USP32: variants seen among roughly 807,000 people sequenced by gnomAD.
USP32 encodes ubiquitin carboxyl-terminal hydrolase 32.
A neutral mutation model predicts 204.8 loss-of-function variants in USP32; 59 were observed. The ratio of observed to expected loss-of-function variants is 0.29; its 90% CI spans 0.23 to 0.36. The LOEUF is 0.36. Among genes scored for constraint, USP32 ranks in the 10% least tolerant of loss-of-function variants. The pLI is 1.00. For missense variants in USP32, 1,160 were observed against 1,946.4 expected, an observed-to-expected ratio of 0.60 and a Z score of 7.60; for synonymous variants, 517 against 678.4, an observed-to-expected ratio of 0.76 and a Z score of 3.70.
chr17:60,420,675 C>CAACA (rs962671352), intron 1 of USP32, among the ~76,000 whole-genome samples: 19 of 152,160 alleles, frequency 1.2e-4, no homozygotes, highest in African/African-American at 3.4e-4. Flanking sequence ...CAAAAACAAA[C>CAACA]AACAAACAAA....
intron 1 of USP32, among the ~76,000 whole-genome samples, chr17:60,350,627 G>A (rs1249794900): frequency 1.3e-5 from 2 of 152,232 alleles, no homozygotes; most frequent in Admixed American, 1.3e-4. Flanking sequence ...AATGATATTA[G>A]TTATCTTCGT....
At chr17:60,198,146 T>C (rs1334964963) in intron 27 of USP32, 114 bp downstream of exon 27, 3 of 1,390,198 alleles carry the variant, frequency 2.2e-6, no homozygotes, top group Non-Finnish European at 2.9e-6. Flanking sequence ...TGAGTGGTTC[T>C]TCCAAGAGTG....
intron 11 of USP32, among the ~76,000 whole-genome samples, chr17:60,243,843 T>G (rs780601178): frequency 3.9e-5 from 6 of 152,242 alleles, no homozygotes; most frequent in East Asian, 1.9e-4. Flanking sequence ...GGTGCATATA[T>G]CATCATTTAT....
chr17:60,371,396 G>A (rs556658241), intron 1 of USP32, among the ~76,000 whole-genome samples: 18 of 151,856 alleles, frequency 1.2e-4, no homozygotes, highest in East Asian at 1.9e-4. Context: ...GTGAAACCCC[G>A]TCTCTACTAA....
At chr17:60,334,749 C>T (rs1228124191) in intron 2 of USP32, among the ~76,000 whole-genome samples, 1 of 143,146 alleles carries the variant, frequency 7.0e-6, no homozygotes, top group Non-Finnish European at 1.5e-5. Context: ...ATATGCCTTC[C>T]ACAGTGTATT....
chr17:60,273,755 T>G (rs1046105853), intron 5 of USP32, among the ~76,000 whole-genome samples: 2 of 152,026 alleles, frequency 1.3e-5, no homozygotes, highest in Non-Finnish European at 2.9e-5. Flanking sequence ...GGTCAGGAGT[T>G]CGAGACCAGC....
At position 60,367,017 on chromosome 17, in the gene USP32, C is replaced by T. The variant is rs572328451; in HGVS notation, c.59-21409G>A. On this transcript the variant is annotated intron_variant, in intron 1 of 33. Transcript: ENST00000300896. Reference sequence around the variant, plus strand: ...TTTGTTTTTATAGTTTTAGTAGAGACGGGGTTTCACCGTGTTAGCCAGGAT... The same window carrying T: ...TTTGTTTTTATAGTTTTAGTAGAGATGGGGTTTCACCGTGTTAGCCAGGAT... 1.2e-4 allele frequency among the ~76,000 whole-genome samples: 18 copies of T among 152,208 alleles called. No individual in the cohort carries two copies. The South Asian group carries it at 1.5e-3, about 12-fold the overall frequency.
intron 11 of USP32, among the ~76,000 whole-genome samples, chr17:60,241,012 T>C (rs1027763640): frequency 7.9e-5 from 12 of 152,168 alleles, no homozygotes; most frequent in African/African-American, 2.9e-4. Context: ...TTTGTTTTGT[T>C]TTTGAGACAG....
At chr17:60,266,137 G>A (rs771049907) in intron 7 of USP32, 46 bp from the exon 8 acceptor site, 2 of 1,456,586 alleles carry the variant, frequency 1.4e-6, no homozygotes, top group South Asian at 1.1e-5. Flanking sequence ...TTTGTATTCT[G>A]AGGTATAATA....
At chr17:60,328,594 T>C (rs560666588) in intron 2 of USP32, among the ~76,000 whole-genome samples, 194 of 152,286 alleles carry the variant, frequency 1.3e-3, no homozygotes, top group Non-Finnish European at 2.4e-3. Flanking sequence ...AAAAGAGCTA[T>C]AACATAAACA....
At chr17:60,375,390 A>ATAATATAGAT (rs1488145752) in intron 1 of USP32, among the ~76,000 whole-genome samples, 7 of 152,120 alleles carry the variant, frequency 4.6e-5, no homozygotes, top group African/African-American at 1.7e-4. Context: ...ATGACTACAT[A>ATAATATAGAT]TAATATAGAT....
chr17:60,412,959 TC>T (rs2090029751), intron 1 of USP32, among the ~76,000 whole-genome samples: 1 of 152,166 alleles, frequency 6.6e-6, no homozygotes, highest in Non-Finnish European at 1.5e-5. Flanking sequence ...GCTCTAAAGT[TC>T]CGAGGTTGCC....
At chr17:60,295,429 G>C (rs1393160870) in intron 3 of USP32, among the ~76,000 whole-genome samples, 1 of 152,184 alleles carries the variant, frequency 6.6e-6, no homozygotes. Context: ...CCATGGTTTT[G>C]CTTTCCAAGG....
intron 14 of USP32, 128 bp from the exon 15 acceptor site, chr17:60,222,677 A>AT (rs373799936): frequency 0.12 from 54,212 of 468,084 alleles, 49 homozygotes; most frequent in Middle Eastern, 0.13. Flanking sequence ...GAAAAACTTA[A>AT]TTTTTTTTTT....
At chr17:60,302,619 C>G (rs1407508015) in intron 2 of USP32, among the ~76,000 whole-genome samples, 1 of 152,170 alleles carries the variant, frequency 6.6e-6, no homozygotes, top group Non-Finnish European at 1.5e-5. Context: ...ATTATTTATT[C>G]TTTCTCTTGG....
chr17:60,222,152 T>G lies in USP32; in HGVS notation c.1749+257A>C, dbSNP rs151016613. ...TCTTGGCCTGTCTTCCCCTCCAGCC[T>G]AAGTTCCACATATCCTAGGTGATGT... is the stretch of plus-strand genomic sequence containing the variant. On this transcript the variant is annotated intron_variant, in intron 15 of 33. Transcript: ENST00000300896. 1.4e-3 allele frequency among the ~76,000 whole-genome samples: 213 copies of G among 152,328 alleles called. 1 individual carries two copies. The highest frequency in any genetic ancestry group is 4.8e-3 in the African/African-American group (200 of 41,574).
chr17:60,306,904 G>A (rs2087737966), intron 2 of USP32, among the ~76,000 whole-genome samples: 1 of 151,802 alleles, frequency 6.6e-6, no homozygotes, highest in South Asian at 2.1e-4. Context: ...ATCTAAAAAA[G>A]AAATCCCAAG....
intron 2 of USP32, among the ~76,000 whole-genome samples, chr17:60,317,260 C>A (rs769151064): frequency 1.3e-5 from 2 of 151,964 alleles, no homozygotes; most frequent in Non-Finnish European, 2.9e-5. Context: ...ATGCCTATAA[C>A]CCCAGCACTT....
chr17:60,217,053 G>C (rs1188306617), intron 16 of USP32, among the ~76,000 whole-genome samples: 1 of 152,142 alleles, frequency 6.6e-6, no homozygotes. Flanking sequence ...AAGCATATAA[G>C]TATAGTATTC....
Sources: allele counts gnomAD v4.1 joint callset (sites outside exome capture counted in the v4.1 genomes callset), GRCh38; gene constraint gnomAD v4.1.1; transcripts MANE v1.5; gene names NCBI Gene and HGNC (gene_info 2026-07-23, HGNC 2026-07-21).